Variants in RPH3A observed in about 807,000 individuals in gnomAD.
RPH3A encodes the protein rabphilin-3A.
A neutral mutation model predicts 102.2 loss-of-function variants in RPH3A; 48 were observed. That is an observed-to-expected ratio of 0.47 (90% CI 0.37 to 0.60). The LOEUF (loss-of-function observed/expected upper bound fraction) is 0.60, where lower values mean the gene tolerates loss of function less well. RPH3A is among the 20% of genes least tolerant of loss of function. The pLI is 0.00. For synonymous variants in RPH3A, 310 were observed against 324.3 expected (o/e 0.96, Z 0.47); for missense variants, 781 against 910.1 (o/e 0.86, Z 1.83).
intron 2 of RPH3A, among the ~76,000 whole-genome samples, chr12:112,822,672 G>C (rs1385227998): frequency 6.6e-6 from 1 of 152,192 alleles, no homozygotes; most frequent in Non-Finnish European, 1.5e-5. Flanking sequence ...CAGCTATCCA[G>C]TGCTTATTAT....
At chr12:112,851,869 T>C (rs923373821) in intron 5 of RPH3A, among the ~76,000 whole-genome samples, 10 of 152,244 alleles carry the variant, frequency 6.6e-5, no homozygotes, top group African/African-American at 2.4e-4. Flanking sequence ...ACAGATTTTC[T>C]ATATTAGTTA....
At chr12:112,727,442 TACACAC>T (rs1175233140) in intron 1 of RPH3A, among the ~76,000 whole-genome samples, 28,248 of 92,908 alleles carry the variant, frequency 0.3, 5,672 homozygotes, top group African/African-American at 0.48. Context: ...CACACATACA[TACACAC>T]ACAGACACAG....
chr12:112,798,983 A>G (rs1031222253), intron 2 of RPH3A, among the ~76,000 whole-genome samples: 2 of 152,050 alleles, frequency 1.3e-5, no homozygotes, highest in African/African-American at 4.8e-5. Context: ...AAGGGAATGC[A>G]TTTGTGAATT....
At chr12:112,683,312 T>C (rs1232329471) in intron 1 of RPH3A, among the ~76,000 whole-genome samples, 1 of 152,208 alleles carries the variant, frequency 6.6e-6, no homozygotes, top group Non-Finnish European at 1.5e-5. Flanking sequence ...AATGGAAACA[T>C]CTATCCTTCT....
At chr12:112,826,304 G>GT (rs1363140586) in intron 2 of RPH3A, among the ~76,000 whole-genome samples, 1 of 152,202 alleles carries the variant, frequency 6.6e-6, no homozygotes, top group Non-Finnish European at 1.5e-5. Flanking sequence ...GAAAGAGGGC[G>GT]TGAGAAGAGT....
chr12:112,689,273 A>G (rs186843396), intron 1 of RPH3A, among the ~76,000 whole-genome samples: 1 of 152,326 alleles, frequency 6.6e-6, no homozygotes, highest in Admixed American at 6.5e-5. Flanking sequence ...AGGAGAGCCC[A>G]TGCCCTATTA....
chr12:112,843,647 A>G (rs1224688319), intron 4 of RPH3A, among the ~76,000 whole-genome samples: 4 of 152,222 alleles, frequency 2.6e-5, no homozygotes, highest in Non-Finnish European at 5.9e-5. Flanking sequence ...TGTAAGCTGC[A>G]GGAATGTGTC....
intron 1 of RPH3A, among the ~76,000 whole-genome samples, chr12:112,775,944 AG>A (rs894038032): frequency 6.3e-4 from 96 of 152,144 alleles, no homozygotes; most frequent in African/African-American, 2.3e-3. Flanking sequence ...ATACTAAAGC[AG>A]GGATTATGTT....
At chr12:112,589,854 G>A (rs2039464636) in intron 1 of RPH3A, among the ~76,000 whole-genome samples, 1 of 152,102 alleles carries the variant, frequency 6.6e-6, no homozygotes. Context: ...AAGCTGAGGT[G>A]GGCGGATCAC....
intron 2 of RPH3A, among the ~76,000 whole-genome samples, chr12:112,805,845 C>G (rs1042993635): frequency 6.6e-6 from 1 of 152,150 alleles, no homozygotes; most frequent in East Asian, 1.9e-4. Flanking sequence ...ATTTATTGAC[C>G]ATCTACTAAC....
At chr12:112,592,692 A>G (rs1274695899) in intron 1 of RPH3A, among the ~76,000 whole-genome samples, 1 of 152,240 alleles carries the variant, frequency 6.6e-6, no homozygotes, top group Non-Finnish European at 1.5e-5. Flanking sequence ...ACCTGCAGAT[A>G]CTGATGGCCG....
At position 112,717,042 on chromosome 12, in the gene RPH3A, A is replaced by C. The variant is rs561682654; in HGVS notation, c.-139-75101A>C. ...GCACTTTGTGTTCTTCGTCCCATTT[A>C]ATTCTTATAACGGCCTATAACATAG... On this transcript the variant is annotated intron_variant, in intron 1 of 21. Coordinates refer to the RPH3A transcript ENST00000543106. 7.9e-4 allele frequency among the ~76,000 whole-genome samples: 120 copies of C among 152,280 alleles called. 3 individuals carry two copies. In the South Asian group the frequency reaches 0.023, roughly 29 times the overall value.
intron 1 of RPH3A, among the ~76,000 whole-genome samples, chr12:112,754,087 T>C (rs2040804529): frequency 6.6e-6 from 1 of 152,198 alleles, no homozygotes; most frequent in South Asian, 2.1e-4. Context: ...GACAATCCAT[T>C]TGGCTTCTGA....
At chr12:112,712,265 A>G (rs2040468083) in intron 1 of RPH3A, among the ~76,000 whole-genome samples, 1 of 152,208 alleles carries the variant, frequency 6.6e-6, no homozygotes, top group Non-Finnish European at 1.5e-5. Flanking sequence ...AACATTTTCT[A>G]TTCTTCATTA....
intron 5 of RPH3A, among the ~76,000 whole-genome samples, chr12:112,855,404 A>C (rs144547376): frequency 1.3e-5 from 2 of 152,338 alleles, no homozygotes; most frequent in African/African-American, 4.8e-5. Flanking sequence ...CACCTTGCCC[A>C]GCATGGACTG....
At chr12:112,737,948 T>TA (rs2040681535) in intron 1 of RPH3A, among the ~76,000 whole-genome samples, 1 of 152,204 alleles carries the variant, frequency 6.6e-6, no homozygotes, top group African/African-American at 2.4e-5. Flanking sequence ...CTGGGTGGCT[T>TA]AAAACAGCAG....
chr12:112,897,049 T>C lies in RPH3A; in HGVS notation c.*269T>C. On this transcript the variant is annotated 3_prime_UTR_variant, in exon 22 of 22. Coordinates refer to ENST00000389385, the MANE Select transcript of RPH3A (RefSeq NM_001143854.2). Reference sequence around the variant, plus strand: ...GGTTGGGGAGACGTTTACAAAGAGGTTGATCATTTAATAACCTCTCAGTTT... The same window carrying C: ...GGTTGGGGAGACGTTTACAAAGAGGCTGATCATTTAATAACCTCTCAGTTT... 2 of 407,940 alleles carry C rather than the reference T, an allele frequency of 4.9e-6. No individual in the cohort carries two copies. Among genetic ancestry groups the C allele is most frequent in the South Asian group, 7.0e-5 (2 of 28,590 alleles). 25.3% of individuals were successfully genotyped at this position (407,940 alleles called of 1,614,324 possible).
At chr12:112,851,317 T>C (rs1251462742) in intron 5 of RPH3A, among the ~76,000 whole-genome samples, 2 of 152,200 alleles carry the variant, frequency 1.3e-5, no homozygotes, top group Non-Finnish European at 2.9e-5. Context: ...ACTATGCTCT[T>C]AAATGTCTGA....
chr12:112,752,532 A>G lies in RPH3A; in HGVS notation c.-139-39611A>G, dbSNP rs867416028. Among the ~76,000 whole-genome samples, 6 of 151,290 alleles carry G rather than the reference A, an allele frequency of 4.0e-5. No individual in the cohort carries two copies. In the Middle Eastern group the frequency reaches 0.01, roughly 264 times the overall value. On this transcript the variant is annotated intron_variant, in intron 1 of 21. Coordinates refer to the RPH3A transcript ENST00000543106. ...TGTTCAAAACCACAATCATTGGTAA[A>G]CCACTTCTTTGACTTAACCTTTCAA...
Sources: allele counts gnomAD v4.1 joint callset (sites outside exome capture counted in the v4.1 genomes callset), GRCh38; gene constraint gnomAD v4.1.1; transcripts MANE v1.5; gene names NCBI Gene and HGNC (gene_info 2026-07-23, HGNC 2026-07-21).